Variants in HADH observed in about 807,000 individuals in gnomAD.
HADH encodes hydroxyacyl-CoA dehydrogenase.
In HADH, 24 loss-of-function variants were observed where a neutral mutation model predicts 32.2. The observed-to-expected ratio is 0.75, with a 90% CI of 0.54 to 1.05. The LOEUF (loss-of-function observed/expected upper bound fraction) is 1.05, where lower values mean the gene tolerates loss of function less well. Ranked by LOEUF, HADH falls within the 50% of genes least tolerant of loss-of-function variation. The pLI, the probability that HADH is intolerant of heterozygous loss-of-function variation, is 0.00. For synonymous variants in HADH, 139 were observed against 152.5 expected, an observed-to-expected ratio of 0.91 and a Z score of 0.65; for missense variants, 350 against 397.1, an observed-to-expected ratio of 0.88 and a Z score of 1.01.
chr4:107,989,889 C>T lies in HADH; in HGVS notation c.-44C>T, dbSNP rs764905879. 5.6e-6 allele frequency: 9 copies of T among 1,603,056 alleles called. No homozygotes were observed. The African/African-American group carries it at 1.2e-4, about 21-fold the overall frequency. ...TTCCGCGGCTGCCCGCCTCGCGCGT[C>T]TTCCCTGCCCGGGTCTCCTCGCTGT... On this transcript the variant is annotated 5_prime_UTR_variant, in exon 1 of 8. Coordinates refer to ENST00000309522, the MANE Select transcript of HADH (RefSeq NM_005327.7).
At chr4:108,028,530 A>G (rs895429419) in intron 6 of HADH, 7 of 236,304 alleles carry the variant, frequency 3.0e-5, no homozygotes, top group African/African-American at 1.6e-4. Flanking sequence ...TTTAAACAAA[A>G]CATTTACACC....
intron 5 of HADH, chr4:108,023,921 A>G (rs1735977835): frequency 1.0e-5 from 2 of 199,386 alleles, no homozygotes; most frequent in Non-Finnish European, 2.1e-5. Flanking sequence ...TACCTCCCTA[A>G]CAGAAAATGA....
At chr4:108,007,243 A>C (rs912831869) in intron 1 of HADH, among the ~76,000 whole-genome samples, 1 of 152,120 alleles carries the variant, frequency 6.6e-6, no homozygotes, top group Non-Finnish European at 1.5e-5. Context: ...AGTAGCTGGG[A>C]CTACAGGCGC....
intron 6 of HADH, chr4:108,032,429 TACTTGTAAAACCCAAAAA>T: frequency 8.2e-7 from 1 of 1,226,682 alleles, no homozygotes; most frequent in Non-Finnish European, 1.2e-6. Flanking sequence ...GAATACTCCT[TACTTGTAAAACCCAAAAA>T]ACTGGGGGAA....
chr4:107,994,681 A>T (rs1402817761), intron 1 of HADH, among the ~76,000 whole-genome samples: 1 of 152,160 alleles, frequency 6.6e-6, no homozygotes, highest in Non-Finnish European at 1.5e-5. Flanking sequence ...TTGTACTCCC[A>T]GTTGTTACCT....
intron 1 of HADH, among the ~76,000 whole-genome samples, chr4:107,996,230 G>T (rs1399579888): frequency 6.6e-6 from 1 of 152,068 alleles, no homozygotes; most frequent in East Asian, 1.9e-4. Context: ...AAAACTAAAA[G>T]AAAAAACCCA....
chr4:108,020,602 A>C (rs184493161), intron 4 of HADH, among the ~76,000 whole-genome samples: 44 of 152,216 alleles, frequency 2.9e-4, no homozygotes, highest in Non-Finnish European at 6.0e-4. Flanking sequence ...ATGCTTGGAG[A>C]CTCCAATATG....
At chr4:108,017,093 T>C (rs867828044) in intron 3 of HADH, among the ~76,000 whole-genome samples, 4 of 152,218 alleles carry the variant, frequency 2.6e-5, no homozygotes, top group Non-Finnish European at 4.4e-5. Flanking sequence ...TCACCACCAT[T>C]ATTGAATGCT....
chr4:108,023,762 A>G (rs1735971969), intron 5 of HADH, 199 bp downstream of exon 5: 1 of 596,786 alleles, frequency 1.7e-6, no homozygotes, highest in African/African-American at 1.8e-5. Context: ...AGCCATGCCT[A>G]AGGCCATTAT....
Position 107,990,077 on chromosome 4 carries a change from C to A in HADH, c.132+13C>A. The A allele has an allele frequency of 6.2e-7, 1 of 1,602,450 alleles. No homozygotes were observed. Among genetic ancestry groups the A allele is most frequent in the South Asian group, 1.1e-5 (1 of 89,070 alleles). On this transcript the variant is annotated intron_variant, in intron 1 of 7. Coordinates refer to ENST00000309522, the MANE Select transcript of HADH (RefSeq NM_005327.7). ...CGGCATTGCCCAGGTGAGCGGCCCT[C>A]CCTGCAGCGTGCCCACGCGCTTGGC...
In HADH at chr4:107,996,592, CTGTT is replaced by C. The variant is rs768065939; in HGVS notation, c.132+6531_132+6534del. Among the ~76,000 whole-genome samples, 110 of 152,224 alleles carry C rather than the reference CTGTT, an allele frequency of 7.2e-4. 1 individual carries two copies. The highest frequency in any genetic ancestry group is 3.4e-3 in the Middle Eastern group (1 of 294). ...AAAGGAGTCTGTCCAATTAATTTAACTGTTTGAAGAAAAAAACCAGTCCAGGCAT... is the reference window on the plus strand; with the variant it reads ...AAAGGAGTCTGTCCAATTAATTTAACTGAAGAAAAAAACCAGTCCAGGCAT... On this transcript the variant is annotated intron_variant, in intron 1 of 7. Coordinates refer to ENST00000309522, the MANE Select transcript of HADH (RefSeq NM_005327.7).
rs780532720 is a variant in HADH, at chr4:108,034,692, C to A, written c.*335C>A. 5.8e-5 allele frequency: 21 copies of A among 361,818 alleles called. No individual in the cohort carries two copies. The highest frequency in any genetic ancestry group is 3.7e-5 in the Admixed American group (1 of 26,682). The allele number at this position is 361,818 out of a possible 1,614,324, so 22.4% of individuals were successfully genotyped here. A position where few individuals can be genotyped will look rare whatever the true frequency, so the allele number is the denominator to read the frequency against. On this transcript the variant is annotated 3_prime_UTR_variant, in exon 8 of 8. Transcript: ENST00000309522. ...TCCTTCTCTCATCAACGGGAAAGTA[C>A]TTCCTCTGAGAGTGCGAGTGCACCA...
intron 4 of HADH, among the ~76,000 whole-genome samples, chr4:108,022,865 A>G (rs1156756354): frequency 6.6e-6 from 1 of 152,208 alleles, no homozygotes; most frequent in Non-Finnish European, 1.5e-5. Context: ...TCACACAGCC[A>G]GTAAGTGGTG....
intron 3 of HADH, among the ~76,000 whole-genome samples, chr4:108,017,070 T>C (rs1301676887): frequency 1.3e-5 from 2 of 152,196 alleles, no homozygotes; most frequent in African/African-American, 4.8e-5. Flanking sequence ...GCACTGTTTG[T>C]TTTTGTTTTA....
chr4:108,023,453 T>A, intron 4 of HADH, 21 bp from the exon 5 acceptor site: 1 of 1,483,084 alleles, frequency 6.7e-7, no homozygotes, highest in Non-Finnish European at 9.4e-7. Flanking sequence ...CTGGTCATAA[T>A]TCTCTGCTTT....
intron 1 of HADH, among the ~76,000 whole-genome samples, chr4:107,997,353 G>T (rs1734986079): frequency 6.6e-6 from 1 of 152,180 alleles, no homozygotes; most frequent in Non-Finnish European, 1.5e-5. Context: ...AGATGGGAGG[G>T]AGACCAGTCA....
Position 108,009,776 on chromosome 4 carries a change from T to C in HADH, c.150T>C (p.Gly50=), listed in dbSNP as rs775407549. The change falls in exon 2 of 8, where the codon GGT becomes GGC. Residue 50 remains glycine (G), a synonymous_variant. Coordinates refer to ENST00000309522, the MANE Select transcript of HADH (RefSeq NM_005327.7). Reference sequence around the variant, plus strand: ...TGCTCTAGGTTGCTGCAGCAACTGGTCACACAGTAGTGTTGGTAGACCAGA... The same window carrying C: ...TGCTCTAGGTTGCTGCAGCAACTGGCCACACAGTAGTGTTGGTAGACCAGA... The part of the protein sequence containing the change: ...AGIAQVAAAT[G]HTVVLVDQTE... 8.1e-6 allele frequency: 13 copies of C among 1,613,406 alleles called. No individual in the cohort carries two copies. The highest frequency in any genetic ancestry group is 5.0e-5 in the Admixed American group (3 of 60,020).
intron 1 of HADH, among the ~76,000 whole-genome samples, chr4:107,998,374 G>T (rs1735016531): frequency 6.6e-6 from 1 of 152,208 alleles, no homozygotes; most frequent in Admixed American, 6.5e-5. Context: ...CCACCTCCCA[G>T]GTTCAAGCAA....
In HADH at chr4:108,023,523, A is replaced by G. The variant is rs1735962297; in HGVS notation, c.596A>G (p.Asp199Gly). 6 of 1,612,182 alleles carry G rather than the reference A, an allele frequency of 3.7e-6. No homozygotes were observed. The highest frequency in any genetic ancestry group is 4.2e-6 in the Non-Finnish European group (5 of 1,178,232). Residue 199 changes from aspartate to glycine, a missense_variant, in exon 5 of 8, where the codon GAC (aspartate) becomes GGC (glycine). Coordinates refer to ENST00000309522, the MANE Select transcript of HADH (RefSeq NM_005327.7). ...CAGAAGACATTTGAATCTTTGGTAG[A>G]CTTTAGCAAAGCCCTAGGAAAGCAT... ...TSQKTFESLV[D>G]FSKALGKHPV...
Sources: allele counts gnomAD v4.1 joint callset (sites outside exome capture counted in the v4.1 genomes callset), GRCh38; gene constraint gnomAD v4.1.1; transcripts MANE v1.5; gene names NCBI Gene and HGNC (gene_info 2026-07-23, HGNC 2026-07-21).